LIPA: variants seen among roughly 807,000 people sequenced by gnomAD.
The protein encoded by LIPA is lipase A, lysosomal acid type, also known as lysosomal acid lipase/cholesteryl ester hydrolase.
In LIPA, 26 loss-of-function variants were observed where a neutral mutation model predicts 40.6. That is an observed-to-expected ratio of 0.64 (90% CI 0.47 to 0.89). LIPA has a LOEUF of 0.89. Among genes scored for constraint, LIPA ranks in the 40% least tolerant of loss-of-function variants. The pLI is 0.00. For synonymous variants in LIPA, 188 were observed against 168.4 expected, an observed-to-expected ratio of 1.12 and a Z score of -0.90; for missense variants, 455 against 479.6, an observed-to-expected ratio of 0.95 and a Z score of 0.48.
chr10:89,338,506 T>G (rs190142392), intron 1 of LIPA, among the ~76,000 whole-genome samples: 27 of 152,318 alleles, frequency 1.8e-4, no homozygotes, highest in African/African-American at 6.5e-4. Flanking sequence ...TGTTCATGTC[T>G]TCCAGAAACA....
intron 3 of LIPA, among the ~76,000 whole-genome samples, chr10:89,230,134 C>T (rs767119050): frequency 6.6e-6 from 1 of 152,128 alleles, no homozygotes; most frequent in Non-Finnish European, 1.5e-5. Context: ...CCTCAAGCTG[C>T]TTACCTAACG....
In LIPA at chr10:89,328,184, T is replaced by C; in HGVS notation, c.-2+14427A>G. Reference sequence around the variant, plus strand: ...CCTGAATTGTCCTGATGTTTATAGATTCAATATGTCTTTATCAGTCTGAGC... The same window carrying C: ...CCTGAATTGTCCTGATGTTTATAGACTCAATATGTCTTTATCAGTCTGAGC... On this transcript the variant is annotated intron_variant, in intron 1 of 5. Transcript: ENST00000282673. 6 of 1,113,720 alleles carry C rather than the reference T, an allele frequency of 5.4e-6. No individual in the cohort carries two copies. In the South Asian group the frequency reaches 7.7e-5, roughly 14 times the overall value. The allele number at this position is 1,113,720 out of a possible 1,614,324, so 69.0% of individuals were successfully genotyped here. A position where few individuals can be genotyped will look rare whatever the true frequency, so the allele number is the denominator to read the frequency against.
intron 8 of LIPA, among the ~76,000 whole-genome samples, chr10:89,221,064 G>T (rs756247879): frequency 5.3e-5 from 8 of 152,044 alleles, no homozygotes; most frequent in Non-Finnish European, 1.2e-4. Flanking sequence ...GGGGAGGGAT[G>T]GGGGGAGGTA....
intron 1 of LIPA, among the ~76,000 whole-genome samples, chr10:89,270,736 C>T (rs1185114258): frequency 1.3e-5 from 2 of 152,190 alleles, no homozygotes; most frequent in Admixed American, 6.5e-5. Flanking sequence ...AGCTGCTCTG[C>T]TACTCATGTT....
chr10:89,316,851 C>T (rs557948224), intron 1 of LIPA, among the ~76,000 whole-genome samples: 15 of 152,330 alleles, frequency 9.8e-5, no homozygotes, highest in Middle Eastern at 3.4e-3. Context: ...ACACCTCATA[C>T]GGCAGAGTGC....
chr10:89,361,886 T>A lies in LIPA; in HGVS notation c.61+50905A>T, dbSNP rs1296013224. Among the ~76,000 whole-genome samples the A allele has an allele frequency of 1.4e-3, 159 of 110,530 alleles. 1 individual carries two copies. Among genetic ancestry groups the A allele is most frequent in the Non-Finnish European group, 2.2e-3 (120 of 53,998 alleles). 72.5% of individuals were successfully genotyped at this position (110,530 alleles called of 152,430 possible). A position where few individuals can be genotyped will look rare whatever the true frequency, so the allele number is the denominator to read the frequency against. Reference sequence around the variant, plus strand: ...CACCCTCCACCTGCCTTTTTTTTTTTTTTTTTTTTTTTTTTTTTTTTTTTT... The same window carrying A: ...CACCCTCCACCTGCCTTTTTTTTTTATTTTTTTTTTTTTTTTTTTTTTTTT... On this transcript the variant is annotated intron_variant, in intron 2 of 8. Coordinates refer to the LIPA transcript ENST00000371837.
At chr10:89,271,908 A>G (rs1167330976) in intron 1 of LIPA, among the ~76,000 whole-genome samples, 1 of 151,938 alleles carries the variant, frequency 6.6e-6, no homozygotes, top group Non-Finnish European at 1.5e-5. Flanking sequence ...ACAAAAAAAA[A>G]AACCCACAAA....
At chr10:89,353,331 A>C (rs1035065453) in intron 2 of LIPA, among the ~76,000 whole-genome samples, 8 of 152,178 alleles carry the variant, frequency 5.3e-5, no homozygotes, top group African/African-American at 1.7e-4. Flanking sequence ...AGAACACTTG[A>C]CTGGTAGGGA....
chr10:89,218,016 A>G (rs181420479), intron 8 of LIPA, among the ~76,000 whole-genome samples: 1 of 122,956 alleles, frequency 8.1e-6, no homozygotes, highest in Admixed American at 7.7e-5. Context: ...TACTAAGTGG[A>G]AAAAAATGAA....
intron 1 of LIPA, among the ~76,000 whole-genome samples, chr10:89,320,665 G>A (rs1157648911): frequency 6.6e-6 from 1 of 152,104 alleles, no homozygotes; most frequent in Non-Finnish European, 1.5e-5. Context: ...ATAGATTCAT[G>A]CCATCCCCAT....
intron 3 of LIPA, among the ~76,000 whole-genome samples, chr10:89,242,581 C>T (rs1468347867): frequency 6.6e-6 from 1 of 152,182 alleles, no homozygotes; most frequent in Admixed American, 6.5e-5. Flanking sequence ...CCAAGTGAGG[C>T]TACACAGTCA....
intron 2 of LIPA, among the ~76,000 whole-genome samples, chr10:89,369,643 T>C (rs1310904007): frequency 1.3e-5 from 2 of 152,230 alleles, no homozygotes; most frequent in Non-Finnish European, 2.9e-5. Context: ...ATAATGCTTT[T>C]TAATGAGTTT....
intron 1 of LIPA, among the ~76,000 whole-genome samples, chr10:89,300,806 G>A (rs9943338): frequency 0.037 from 5,671 of 152,066 alleles, 373 homozygotes; most frequent in African/African-American, 0.13. Context: ...GGCCAACATG[G>A]TGGAACCCCA....
At chr10:89,383,050 G>A (rs1844175081) in intron 2 of LIPA, among the ~76,000 whole-genome samples, 1 of 152,176 alleles carries the variant, frequency 6.6e-6, no homozygotes, top group Non-Finnish European at 1.5e-5. Flanking sequence ...AGATTATTTT[G>A]ATGTTAGCAG....
intron 1 of LIPA, among the ~76,000 whole-genome samples, chr10:89,263,110 T>C (rs1416713529): frequency 6.6e-6 from 1 of 152,210 alleles, no homozygotes; most frequent in African/African-American, 2.4e-5. Context: ...TCAGGGCCAG[T>C]TTGGCTTTGA....
chr10:89,238,042 T>A (rs1406139876), intron 3 of LIPA, among the ~76,000 whole-genome samples: 1 of 152,240 alleles, frequency 6.6e-6, no homozygotes, highest in Non-Finnish European at 1.5e-5. Context: ...CTGTGAAAGT[T>A]ATCAAGCCTG....
At chr10:89,386,867 CCCA>C (rs1331610820) in intron 2 of LIPA, among the ~76,000 whole-genome samples, 2 of 152,068 alleles carry the variant, frequency 1.3e-5, no homozygotes, top group African/African-American at 4.8e-5. Context: ...TTGAAACCTT[CCCA>C]CCACTCCAGG....
At chr10:89,398,558 A>C (rs1705414291) in intron 2 of LIPA, among the ~76,000 whole-genome samples, 1 of 152,086 alleles carries the variant, frequency 6.6e-6, no homozygotes, top group Admixed American at 6.5e-5. Flanking sequence ...AGTCCCTGTT[A>C]ATCACTATTT....
At chr10:89,407,611 G>A (rs1320441762) in intron 2 of LIPA, among the ~76,000 whole-genome samples, 2 of 152,148 alleles carry the variant, frequency 1.3e-5, no homozygotes, top group African/African-American at 4.8e-5. Context: ...AAGGCATTAC[G>A]CTTCCAACTC....
Sources: gnomAD v4.1 joint callset for allele counts (sites outside exome capture counted in the v4.1 genomes callset) on GRCh38, gnomAD v4.1.1 for gene constraint, MANE v1.5 for transcripts, NCBI Gene and HGNC (gene_info 2026-07-23, HGNC 2026-07-21) for gene names.